The following SCD5 variants were observed in gnomAD, a reference collection of about 807,000 sequenced individuals.
SCD5 encodes the protein acyl-CoA-desaturase 4.
SCD5 carries 20 observed loss-of-function variants against 30.4 expected under a neutral mutation model. The observed-to-expected ratio is 0.66, with a 90% CI of 0.46 to 0.96. SCD5 has a LOEUF of 0.96. Ranked by LOEUF, SCD5 falls within the 40% of genes least tolerant of loss-of-function variation. The pLI is 0.00. For synonymous variants in SCD5, 173 were observed against 176.4 expected (o/e 0.98, Z 0.16); for missense variants, 381 against 443.3 (o/e 0.86, Z 1.26).
chr4:82,730,482 G>C (rs980340703), intron 1 of SCD5, among the ~76,000 whole-genome samples: 1 of 150,070 alleles, frequency 6.7e-6, no homozygotes, highest in Non-Finnish European at 1.5e-5. Flanking sequence ...ATTTTTAGTA[G>C]AAACGGGGTT....
At chr4:82,700,303 C>T (rs1035142802) in intron 2 of SCD5, among the ~76,000 whole-genome samples, 1 of 152,058 alleles carries the variant, frequency 6.6e-6, no homozygotes. Flanking sequence ...ACCATAGATC[C>T]AGGACACTCA....
intron 1 of SCD5, among the ~76,000 whole-genome samples, chr4:82,784,324 C>T (rs1721941759): frequency 6.6e-6 from 1 of 152,150 alleles, no homozygotes; most frequent in Non-Finnish European, 1.5e-5. Flanking sequence ...GCCCGAGAAC[C>T]TAGACACAAT....
At chr4:82,665,975 A>C (rs1484478751) in intron 3 of SCD5, among the ~76,000 whole-genome samples, 1 of 152,128 alleles carries the variant, frequency 6.6e-6, no homozygotes, top group African/African-American at 2.4e-5. Flanking sequence ...TGCATTTAAA[A>C]ATTTTTCTAC....
At chr4:82,678,019 C>A (rs1351819918) in intron 3 of SCD5, among the ~76,000 whole-genome samples, 3 of 152,032 alleles carry the variant, frequency 2.0e-5, no homozygotes, top group Non-Finnish European at 2.9e-5. Flanking sequence ...CCTGTACTCT[C>A]AAAGAGCAGT....
chr4:82,746,218 A>T (rs1484270085), intron 1 of SCD5, among the ~76,000 whole-genome samples: 1 of 152,248 alleles, frequency 6.6e-6, no homozygotes, highest in Non-Finnish European at 1.5e-5. Flanking sequence ...TTATCACTGA[A>T]TTAGAAAACT....
intron 1 of SCD5, among the ~76,000 whole-genome samples, chr4:82,795,453 G>A (rs972260869): frequency 7.9e-5 from 12 of 152,252 alleles, no homozygotes; most frequent in Admixed American, 6.5e-4. Context: ...GGTCTGCCTC[G>A]TCCCTCTGCT....
chr4:82,662,628 G>A (rs900555979), intron 3 of SCD5, among the ~76,000 whole-genome samples: 1 of 151,804 alleles, frequency 6.6e-6, no homozygotes, highest in African/African-American at 2.4e-5. Context: ...GGGAGGCTGA[G>A]GTAGGTGGAT....
intron 3 of SCD5, among the ~76,000 whole-genome samples, chr4:82,676,164 C>G (rs1200015379): frequency 6.6e-6 from 1 of 152,154 alleles, no homozygotes; most frequent in Non-Finnish European, 1.5e-5. Context: ...TGAAATGACA[C>G]TGAGAATGAA....
At chr4:82,730,287 T>C (rs1720605013) in intron 1 of SCD5, among the ~76,000 whole-genome samples, 2 of 134,258 alleles carry the variant, frequency 1.5e-5, no homozygotes, top group South Asian at 2.2e-4. Context: ...ATATATACTA[T>C]ATATAAATGT....
At chr4:82,638,195 A>G (rs1173883402) in intron 3 of SCD5, among the ~76,000 whole-genome samples, 1 of 152,098 alleles carries the variant, frequency 6.6e-6, no homozygotes, top group Non-Finnish European at 1.5e-5. Context: ...TTATGGCTGC[A>G]TAGTATTCCA....
chr4:82,636,779 G>A lies in SCD5; in HGVS notation c.614C>T (p.Thr205Met), dbSNP rs752004064. ...TCCCCAGATGTACCAGGGCACCAGC[G>A]TGGGGACCACAAAGCACATGAGCAC... ...SVVLMCFVVP[T>M]LVPWYIWGES... Residue 205 changes from threonine (T) to methionine (M), a missense_variant, in exon 4 of 5, where the codon ACG becomes ATG. Thr to Met is a moderately conservative substitution (Grantham distance 81). Transcript: ENST00000319540. The A allele has an allele frequency of 3.4e-5, 55 of 1,614,052 alleles. No individual in the cohort carries two copies. Among genetic ancestry groups the A allele is most frequent in the Non-Finnish European group, 4.2e-5 (50 of 1,180,022 alleles).
Position 82,663,788 on chromosome 4 carries a change from C to T in SCD5, c.569+16919G>A, listed in dbSNP as rs568351967. Among the ~76,000 whole-genome samples, 34 of 152,280 alleles carry T rather than the reference C, an allele frequency of 2.2e-4. No individual in the cohort carries two copies. In the South Asian group the frequency reaches 4.4e-3, roughly 19 times the overall value. On this transcript the variant is annotated intron_variant, in intron 3 of 4. Transcript: ENST00000319540. ...GTCTCTGGGAGAGGTGTTGGGAAAC[C>T]CTCACCCCCAGACATAGGCAAAGAA...
At chr4:82,786,568 G>C (rs1195375969) in intron 1 of SCD5, among the ~76,000 whole-genome samples, 9 of 152,096 alleles carry the variant, frequency 5.9e-5, no homozygotes, top group Admixed American at 5.9e-4. Context: ...GGGAAGCCGA[G>C]GTGGGCGGAT....
chr4:82,649,382 G>T (rs1221967493), intron 3 of SCD5, among the ~76,000 whole-genome samples: 2 of 152,118 alleles, frequency 1.3e-5, no homozygotes, highest in Non-Finnish European at 2.9e-5. Flanking sequence ...CACCCCTAAA[G>T]AATTTGTAAT....
intron 1 of SCD5, among the ~76,000 whole-genome samples, chr4:82,757,094 C>G (rs1339428724): frequency 1.3e-5 from 2 of 151,702 alleles, no homozygotes; most frequent in Admixed American, 6.6e-5. Flanking sequence ...ACCCAAACTT[C>G]TTAGTGTGAC....
At chr4:82,679,242 A>G (rs182573396) in intron 3 of SCD5, among the ~76,000 whole-genome samples, 21,256 of 83,522 alleles carry the variant, frequency 0.25, 3,074 homozygotes, top group East Asian at 0.33. Context: ...GAAAGAAAGA[A>G]AGAAAGAAAG....
At chr4:82,638,582 C>G (rs1023076945) in intron 3 of SCD5, among the ~76,000 whole-genome samples, 3 of 152,196 alleles carry the variant, frequency 2.0e-5, no homozygotes, top group African/African-American at 7.2e-5. Flanking sequence ...TTAGCTCCCC[C>G]ACACTTCCAG....
At chr4:82,705,836 G>T (rs1005455042) in intron 1 of SCD5, among the ~76,000 whole-genome samples, 7 of 152,144 alleles carry the variant, frequency 4.6e-5, no homozygotes, top group African/African-American at 1.7e-4. Flanking sequence ...TTTCTAAGTG[G>T]CAGTGCCCAT....
In SCD5 at chr4:82,636,835, G is replaced by A; in HGVS notation, c.570-12C>T. On this transcript the variant is annotated splice_polypyrimidine_tract_variant and intron_variant, in intron 3 of 4. Transcript: ENST00000319540. Reference sequence around the variant, plus strand: ...AGATCTTATAGTACCTACAGGGCAAGACACCATATCACCATGAGGACCCGC... The same window carrying A: ...AGATCTTATAGTACCTACAGGGCAAAACACCATATCACCATGAGGACCCGC... 1 of 1,597,970 alleles carries A rather than the reference G, an allele frequency of 6.3e-7. No individual in the cohort carries two copies. The highest frequency in any genetic ancestry group is 8.5e-7 in the Non-Finnish European group (1 of 1,171,064).
Sources: gnomAD v4.1 joint callset for allele counts (sites outside exome capture counted in the v4.1 genomes callset) on GRCh38, gnomAD v4.1.1 for gene constraint, MANE v1.5 for transcripts, NCBI Gene and HGNC (gene_info 2026-07-23, HGNC 2026-07-21) for gene names.